Variants in MCTP1 observed in about 807,000 individuals in gnomAD.
MCTP1 encodes the protein multiple C2 and transmembrane domain containing 1.
In MCTP1, 69 loss-of-function variants were observed where a neutral mutation model predicts 120.6. The observed-to-expected ratio is 0.57, with a 90% CI of 0.47 to 0.70. The LOEUF (loss-of-function observed/expected upper bound fraction) is 0.70, where lower values mean the gene tolerates loss of function less well. Among genes scored for constraint, MCTP1 ranks in the 30% least tolerant of loss-of-function variants. MCTP1 has a pLI of 0.00. For synonymous variants in MCTP1, 529 were observed against 493.1 expected (o/e 1.07, Z -0.96); for missense variants, 1,203 against 1,248.8 (o/e 0.96, Z 0.55).
intron 17 of MCTP1, among the ~76,000 whole-genome samples, chr5:94,816,139 A>G (rs1023161830): frequency 6.6e-6 from 1 of 152,188 alleles, no homozygotes; most frequent in Admixed American, 6.5e-5. Context: ...AAATCAGCTG[A>G]AATGTTTTAG....
chr5:94,925,585 T>C (rs974293610), intron 6 of MCTP1, among the ~76,000 whole-genome samples: 2 of 152,010 alleles, frequency 1.3e-5, no homozygotes, highest in African/African-American at 4.8e-5. Context: ...ATTATTTGTA[T>C]TTTTTAGTAG....
intron 17 of MCTP1, among the ~76,000 whole-genome samples, chr5:94,813,229 A>G (rs1783814773): frequency 6.6e-6 from 1 of 152,196 alleles, no homozygotes; most frequent in South Asian, 2.1e-4. Flanking sequence ...GTTCAAAATC[A>G]TTAGTTACTA....
chr5:95,058,143 C>T (rs570426972), intron 1 of MCTP1, among the ~76,000 whole-genome samples: 5 of 152,280 alleles, frequency 3.3e-5, no homozygotes, highest in Admixed American at 6.5e-5. Flanking sequence ...GCTGATGCTT[C>T]GGCTCGTTGC....
chr5:94,740,428 T>G (rs532904310), intron 19 of MCTP1, among the ~76,000 whole-genome samples: 1 of 152,188 alleles, frequency 6.6e-6, no homozygotes, highest in Non-Finnish European at 1.5e-5. Flanking sequence ...GCATGCAGTA[T>G]TAAAGTCGAG....
At chr5:94,884,627 G>A (rs1484992345) in intron 12 of MCTP1, among the ~76,000 whole-genome samples, 1 of 146,574 alleles carries the variant, frequency 6.8e-6, no homozygotes, top group African/African-American at 2.5e-5. Flanking sequence ...GGTGGGGGCT[G>A]GGGGGGCGGG....
intron 17 of MCTP1, among the ~76,000 whole-genome samples, chr5:94,822,236 G>A (rs1170092800): frequency 6.6e-6 from 1 of 152,004 alleles, no homozygotes; most frequent in Non-Finnish European, 1.5e-5. Flanking sequence ...ACATGCCCTG[G>A]TGTGTGATGT....
chr5:94,758,452 A>C lies in MCTP1; in HGVS notation c.2610+20658T>G, dbSNP rs1770491265. Reference sequence around the variant, plus strand: ...CAGAGCGAGACCCCATCTCTTAAAAAGGAGAGAGAGAAAAAATAAAAATAA... The same window carrying C: ...CAGAGCGAGACCCCATCTCTTAAAACGGAGAGAGAGAAAAAATAAAAATAA... On this transcript the variant is annotated intron_variant, in intron 19 of 22. Transcript: ENST00000515393. 3.3e-5 allele frequency among the ~76,000 whole-genome samples: 5 copies of C among 152,140 alleles called. No homozygotes were observed. In the South Asian group the frequency reaches 1.0e-3, roughly 32 times the overall value.
At chr5:95,044,445 A>T (rs945725803) in intron 1 of MCTP1, among the ~76,000 whole-genome samples, 1 of 152,100 alleles carries the variant, frequency 6.6e-6, no homozygotes, top group Non-Finnish European at 1.5e-5. Flanking sequence ...CCTTTTGCTC[A>T]TTTATCTTCA....
chr5:94,993,898 A>G (rs1190299682), intron 2 of MCTP1, among the ~76,000 whole-genome samples: 3 of 152,226 alleles, frequency 2.0e-5, no homozygotes, highest in African/African-American at 7.2e-5. Flanking sequence ...GATTTCAGAC[A>G]CATGCTCAAT....
intron 1 of MCTP1, among the ~76,000 whole-genome samples, chr5:95,219,710 G>A (rs1417348554): frequency 6.6e-6 from 1 of 152,156 alleles, no homozygotes; most frequent in Non-Finnish European, 1.5e-5. Context: ...CAGTGTCCTG[G>A]TGAGCAACTT....
intron 1 of MCTP1, among the ~76,000 whole-genome samples, chr5:95,091,724 C>A (rs968716776): frequency 5.9e-5 from 9 of 152,302 alleles, no homozygotes; most frequent in Admixed American, 5.9e-4. Context: ...GGACATTGAC[C>A]AGAATCTTCC....
chr5:94,852,740 T>C (rs1793996859), intron 17 of MCTP1, among the ~76,000 whole-genome samples: 1 of 152,000 alleles, frequency 6.6e-6, no homozygotes, highest in Non-Finnish European at 1.5e-5. Context: ...ATGCTAAATA[T>C]GAACAATTCC....
At chr5:94,992,785 C>T (rs1230010142) in intron 2 of MCTP1, among the ~76,000 whole-genome samples, 4 of 45,550 alleles carry the variant, frequency 8.8e-5, no homozygotes, top group Non-Finnish European at 2.5e-4. Context: ...CCCATCCCTT[C>T]CCCATCTCAA....
intron 1 of MCTP1, among the ~76,000 whole-genome samples, chr5:95,208,191 G>A (rs1362026833): frequency 1.3e-5 from 2 of 152,118 alleles, no homozygotes; most frequent in African/African-American, 4.8e-5. Flanking sequence ...CGGGGTTCAA[G>A]CAATTCTCCT....
Position 95,058,535 on chromosome 5 carries a change from T to C in MCTP1, c.721-41051A>G, listed in dbSNP as rs138446207. ...CAATGCTTCTAAGCCCTCCATTGCC[T>C]ACTTTCCAGAACTGTTACGGGGTTC... On this transcript the variant is annotated intron_variant, in intron 1 of 22. Transcript: ENST00000515393. 2.4e-3 allele frequency among the ~76,000 whole-genome samples: 365 copies of C among 152,342 alleles called. 2 individuals are homozygous for C. Among genetic ancestry groups the C allele is most frequent in the African/African-American group, 8.0e-3 (334 of 41,576 alleles).
chr5:95,267,347 G>A (rs994811287), intron 1 of MCTP1, among the ~76,000 whole-genome samples: 4 of 152,108 alleles, frequency 2.6e-5, no homozygotes, highest in Non-Finnish European at 5.9e-5. Flanking sequence ...GGATCACTGA[G>A]CTTTATCTAA....
intron 1 of MCTP1, among the ~76,000 whole-genome samples, chr5:95,148,385 G>A (rs748487503): frequency 2.6e-5 from 4 of 152,142 alleles, no homozygotes; most frequent in Admixed American, 6.5e-5. Flanking sequence ...ATTTATTGGA[G>A]GTTTTGTTCT....
At chr5:94,873,040 T>TCAA (rs942923777) in intron 13 of MCTP1, 99 bp downstream of exon 13, 1 of 724,710 alleles carries the variant, frequency 1.4e-6, no homozygotes, top group African/African-American at 1.8e-5. Flanking sequence ...GAGTTGTGAA[T>TCAA]CAGTTAAGAA....
At chr5:95,060,545 G>T (rs1282973727) in intron 1 of MCTP1, among the ~76,000 whole-genome samples, 1 of 152,178 alleles carries the variant, frequency 6.6e-6, no homozygotes, top group Non-Finnish European at 1.5e-5. Flanking sequence ...ATATACCAAA[G>T]AAAGGAGTAA....
Sources: allele counts gnomAD v4.1 joint callset (sites outside exome capture counted in the v4.1 genomes callset), GRCh38; gene constraint gnomAD v4.1.1; transcripts MANE v1.5; gene names NCBI Gene and HGNC (gene_info 2026-07-23, HGNC 2026-07-21).